The following IMMP2L variants were observed in gnomAD, a reference collection of about 807,000 sequenced individuals.
IMMP2L encodes the protein inner mitochondrial membrane peptidase subunit 2.
IMMP2L carries 18 observed loss-of-function variants against 19.3 expected under a neutral mutation model. The observed-to-expected ratio is 0.93, with a 90% CI of 0.64 to 1.38. The LOEUF (loss-of-function observed/expected upper bound fraction) is 1.38. IMMP2L is among the 40% of genes most tolerant of loss of function. IMMP2L has a pLI of 0.00. For missense variants in IMMP2L, 233 were observed against 218.2 expected, an observed-to-expected ratio of 1.07 and a Z score of -0.43; for synonymous variants, 76 against 73.0, an observed-to-expected ratio of 1.04 and a Z score of -0.21.
At chr7:111,553,106 TAACA>T (rs1206481649) in intron 1 of IMMP2L, among the ~76,000 whole-genome samples, 4 of 152,140 alleles carry the variant, frequency 2.6e-5, no homozygotes, top group South Asian at 2.1e-4. Flanking sequence ...AACCATGAGA[TAACA>T]AACAATCATT....
At chr7:111,099,392 ATGAATAAGC>A (rs1797734955) in intron 3 of IMMP2L, among the ~76,000 whole-genome samples, 1 of 151,750 alleles carries the variant, frequency 6.6e-6, no homozygotes. Context: ...CTTCTTCAGT[ATGAATAAGC>A]TGCTAGCCCT....
At chr7:111,539,776 A>G (rs537799321) in intron 1 of IMMP2L, among the ~76,000 whole-genome samples, 70 of 152,306 alleles carry the variant, frequency 4.6e-4, no homozygotes, top group African/African-American at 1.7e-3. Flanking sequence ...TTTGCACTAT[A>G]TAATTCAAGC....
At chr7:111,091,960 C>T (rs1664907026) in intron 3 of IMMP2L, among the ~76,000 whole-genome samples, 1 of 152,128 alleles carries the variant, frequency 6.6e-6, no homozygotes. Flanking sequence ...AAAAGCAGAT[C>T]ACACATTATT....
rs532082068 is a variant in IMMP2L, at chr7:110,940,418, A to T, written c.305+23082T>A. Among the ~76,000 whole-genome samples the T allele has an allele frequency of 6.6e-5, 10 of 152,328 alleles. No individual in the cohort carries two copies. The South Asian group carries it at 2.1e-3, about 32-fold the overall frequency. On this transcript the variant is annotated intron_variant, in intron 4 of 5. Coordinates refer to ENST00000405709, the MANE Select transcript of IMMP2L (RefSeq NM_032549.4). ...TTTGATGGTTATTCATTAGTAATCA[A>T]AAAATTATAAAATCTCAGAAATAGA...
intron 5 of IMMP2L, among the ~76,000 whole-genome samples, chr7:110,778,086 C>T (rs1799511404): frequency 6.6e-6 from 1 of 151,834 alleles, no homozygotes; most frequent in South Asian, 2.1e-4. Context: ...GCTTCTAGAG[C>T]CACCAAATGA....
chr7:111,107,602 A>C (rs1041016605), intron 3 of IMMP2L, among the ~76,000 whole-genome samples: 13 of 152,140 alleles, frequency 8.5e-5, no homozygotes, highest in Non-Finnish European at 1.6e-4. Flanking sequence ...TTATCTGAAT[A>C]GAATTTTAGA....
chr7:111,491,456 C>A (rs1843096185), intron 2 of IMMP2L, among the ~76,000 whole-genome samples: 1 of 152,056 alleles, frequency 6.6e-6, no homozygotes, highest in African/African-American at 2.4e-5. Flanking sequence ...CCCATACTTA[C>A]CTCTCAGTAA....
chr7:110,785,125 G>C lies in IMMP2L; in HGVS notation c.408+101468C>G, dbSNP rs1949290367. ...TTTTGGTGTTAAAATTACAGTAGGA[G>C]GTGGTAGAAGTCAGAATGCTCAATT... On this transcript the variant is annotated intron_variant, in intron 5 of 5. Transcript: ENST00000405709. 3.3e-5 allele frequency among the ~76,000 whole-genome samples: 5 copies of C among 151,962 alleles called. No homozygotes were observed. The South Asian group carries it at 1.0e-3, about 32-fold the overall frequency.
intron 3 of IMMP2L, among the ~76,000 whole-genome samples, chr7:111,373,691 A>G (rs1200371364): frequency 6.6e-6 from 1 of 152,022 alleles, no homozygotes; most frequent in African/African-American, 2.4e-5. Context: ...GGTTGGTAAG[A>G]TTAGGATAAA....
chr7:111,502,336 T>C (rs2132455220), intron 2 of IMMP2L, among the ~76,000 whole-genome samples: 1 of 152,256 alleles, frequency 6.6e-6, no homozygotes, highest in Non-Finnish European at 1.5e-5. Context: ...CTTAGTGACC[T>C]ACAAAGAGAC....
intron 5 of IMMP2L, among the ~76,000 whole-genome samples, chr7:110,783,907 C>A (rs1799901432): frequency 6.6e-6 from 1 of 151,846 alleles, no homozygotes; most frequent in Non-Finnish European, 1.5e-5. Flanking sequence ...CCCCATGGAG[C>A]TTTGGTCCCT....
rs537428429 is a variant in IMMP2L at position 111,356,957 on chromosome 7, T to C, written c.239+130281A>G. 5.3e-5 allele frequency among the ~76,000 whole-genome samples: 8 copies of C among 151,980 alleles called. No individual in the cohort carries two copies. The South Asian group carries it at 1.7e-3, about 32-fold the overall frequency. ...CAGGAGAAGCGCTTGAACCAGGAGGTTGCAGTGAGCCCGAGATGGTGCCAT... is the reference window on the plus strand; with the variant it reads ...CAGGAGAAGCGCTTGAACCAGGAGGCTGCAGTGAGCCCGAGATGGTGCCAT... On this transcript the variant is annotated intron_variant, in intron 3 of 5. Coordinates refer to ENST00000405709, the MANE Select transcript of IMMP2L (RefSeq NM_032549.4).
At chr7:110,967,761 C>T (rs898449199) in intron 3 of IMMP2L, among the ~76,000 whole-genome samples, 2 of 152,030 alleles carry the variant, frequency 1.3e-5, no homozygotes, top group African/African-American at 4.8e-5. Context: ...TGCATTAAGC[C>T]ATATAACTTT....
chr7:111,412,882 A>C lies in IMMP2L; in HGVS notation c.239+74356T>G, dbSNP rs1189067013. ...CAAGGTAGAAAAAGAAAAGCAAATT[A>C]AAATCAAAGTACATAGAAGGGAAGA... On this transcript the variant is annotated intron_variant, in intron 3 of 5. Transcript: ENST00000405709. Among the ~76,000 whole-genome samples, 7 of 151,874 alleles carry C rather than the reference A, an allele frequency of 4.6e-5. No homozygotes were observed. In the East Asian group the frequency reaches 9.6e-4, roughly 21 times the overall value.
chr7:110,729,010 C>A (rs1796076551), intron 5 of IMMP2L, among the ~76,000 whole-genome samples: 1 of 152,064 alleles, frequency 6.6e-6, no homozygotes, highest in African/African-American at 2.4e-5. Context: ...CCAGCCTCAG[C>A]CCCCTGAGTG....
chr7:111,371,175 A>G (rs1361168242), intron 3 of IMMP2L, among the ~76,000 whole-genome samples: 2 of 151,890 alleles, frequency 1.3e-5, no homozygotes, highest in Non-Finnish European at 2.9e-5. Context: ...GAGTCGTGGC[A>G]AGTCTTACAA....
chr7:111,310,965 G>A (rs925036219), intron 3 of IMMP2L, among the ~76,000 whole-genome samples: 1 of 152,156 alleles, frequency 6.6e-6, no homozygotes, highest in African/African-American at 2.4e-5. Context: ...TGAGTAAAAT[G>A]AGTATGTGCT....
At chr7:110,681,715 C>T (rs1048645909) in intron 5 of IMMP2L, among the ~76,000 whole-genome samples, 1 of 152,200 alleles carries the variant, frequency 6.6e-6, no homozygotes. Flanking sequence ...CAGAATCAGG[C>T]CTTAAAAGGC....
chr7:111,196,038 G>A (rs905716365), intron 3 of IMMP2L, among the ~76,000 whole-genome samples: 1 of 151,802 alleles, frequency 6.6e-6, no homozygotes, highest in Non-Finnish European at 1.5e-5. Flanking sequence ...CCACCGTTTT[G>A]TTTTGTTTTG....
Sources: allele counts gnomAD v4.1 joint callset (sites outside exome capture counted in the v4.1 genomes callset), GRCh38; gene constraint gnomAD v4.1.1; transcripts MANE v1.5; gene names NCBI Gene and HGNC (gene_info 2026-07-23, HGNC 2026-07-21).